Variants in MAGI2 observed in about 807,000 individuals in gnomAD.
MAGI2 encodes the protein membrane associated guanylate kinase, WW and PDZ domain containing 2, also known as membrane-associated guanylate kinase, WW and PDZ domain-containing protein 2.
A neutral mutation model predicts 133.3 loss-of-function variants in MAGI2; 35 were observed. The ratio of observed to expected loss-of-function variants is 0.26; its 90% CI spans 0.20 to 0.35. The LOEUF is 0.35. Among genes scored for constraint, MAGI2 ranks in the 10% least tolerant of loss-of-function variants. MAGI2 has a pLI of 1.00. For missense variants in MAGI2, 1,636 were observed against 1,863.4 expected, an observed-to-expected ratio of 0.88 and a Z score of 2.25; for synonymous variants, 729 against 710.6, an observed-to-expected ratio of 1.03 and a Z score of -0.41.
chr7:78,403,034 ATACATGTGCACAACGTGCAGG>A (rs1797037059), intron 6 of MAGI2, among the ~76,000 whole-genome samples: 2 of 152,090 alleles, frequency 1.3e-5, no homozygotes, highest in Non-Finnish European at 2.9e-5. Flanking sequence ...AAGTCCTGGG[ATACATGTGCACAACGTGCAGG>A]TTTGTTACAT....
chr7:79,292,349 C>T (rs1186661035), intron 1 of MAGI2, among the ~76,000 whole-genome samples: 11 of 151,934 alleles, frequency 7.2e-5, no homozygotes, highest in Admixed American at 3.3e-4. Flanking sequence ...GGGGTTGGCA[C>T]GGTGGCTCAT....
intron 2 of MAGI2, among the ~76,000 whole-genome samples, chr7:78,633,577 G>A (rs1198244288): frequency 6.7e-6 from 1 of 150,360 alleles, no homozygotes; most frequent in African/African-American, 2.4e-5. Flanking sequence ...GTGGTGGCGG[G>A]CGCCTGTAGT....
intron 1 of MAGI2, among the ~76,000 whole-genome samples, chr7:79,356,652 A>G (rs1042014042): frequency 6.6e-6 from 1 of 152,212 alleles, no homozygotes; most frequent in African/African-American, 2.4e-5. Flanking sequence ...ACAATTTCTG[A>G]TGAAAGAAAC....
rs145304420 is a variant in MAGI2, at chr7:78,735,744, G to A, written c.419-108505C>T. Among the ~76,000 whole-genome samples, 1,184 of 152,218 alleles carry A rather than the reference G, an allele frequency of 7.8e-3. 18 individuals carry two copies. Among genetic ancestry groups the A allele is most frequent in the African/African-American group, 0.026 (1,076 of 41,554 alleles). ...TTTAATCTGATTATCTGAAATGGAGGAGAGCAGCCTCAAGGGTTTATAGGT... is the reference window on the plus strand; with the variant it reads ...TTTAATCTGATTATCTGAAATGGAGAAGAGCAGCCTCAAGGGTTTATAGGT... On this transcript the variant is annotated intron_variant, in intron 2 of 21. Coordinates refer to ENST00000354212, the MANE Select transcript of MAGI2 (RefSeq NM_012301.4).
intron 7 of MAGI2, among the ~76,000 whole-genome samples, chr7:78,353,978 A>G (rs1791797915): frequency 6.6e-6 from 1 of 152,116 alleles, no homozygotes; most frequent in South Asian, 2.1e-4. Flanking sequence ...TCCATCTTGG[A>G]TGATGTACCT....
At chr7:78,446,641 A>C (rs1341552675) in intron 6 of MAGI2, among the ~76,000 whole-genome samples, 1 of 152,064 alleles carries the variant, frequency 6.6e-6, no homozygotes, top group African/African-American at 2.4e-5. Flanking sequence ...CTCTGCAGTC[A>C]AGTTCTGATG....
chr7:79,073,761 C>T (rs1477206434), intron 1 of MAGI2, among the ~76,000 whole-genome samples: 2 of 151,580 alleles, frequency 1.3e-5, no homozygotes, highest in African/African-American at 2.4e-5. Context: ...CCCCTCCAAC[C>T]CCATCTTATG....
At chr7:78,674,954 T>C (rs1222790707) in intron 2 of MAGI2, among the ~76,000 whole-genome samples, 2 of 152,146 alleles carry the variant, frequency 1.3e-5, no homozygotes, top group Non-Finnish European at 2.9e-5. Flanking sequence ...TGTTCAAAAT[T>C]TGAATAAAGT....
At chr7:78,266,576 A>G (rs1210073474) in intron 9 of MAGI2, among the ~76,000 whole-genome samples, 1 of 145,590 alleles carries the variant, frequency 6.9e-6, no homozygotes, top group Admixed American at 7.0e-5. Context: ...AAGAGGGGGA[A>G]AAAATCCCTT....
At chr7:79,232,707 G>T (rs372549154) in intron 1 of MAGI2, among the ~76,000 whole-genome samples, 1 of 132,134 alleles carries the variant, frequency 7.6e-6, no homozygotes, top group African/African-American at 3.0e-5. Context: ...AGTCTGGCTA[G>T]CGGTCTATCA....
intron 2 of MAGI2, among the ~76,000 whole-genome samples, chr7:78,955,383 C>T (rs1488719513): frequency 6.6e-6 from 1 of 151,966 alleles, no homozygotes; most frequent in African/African-American, 2.4e-5. Context: ...TAATAAAGCA[C>T]AGCCTGTACT....
chr7:78,536,426 A>G lies in MAGI2; in HGVS notation c.539-14781T>C, dbSNP rs74494862. Among the ~76,000 whole-genome samples, 5 of 152,042 alleles carry G rather than the reference A, an allele frequency of 3.3e-5. No homozygotes were observed. The East Asian group carries it at 5.8e-4, about 18-fold the overall frequency. ...CGCGCCCGGCCGAATTAAACTCTTTATGGTGATTCCCCTGTCTTGATAAGT... is the reference window on the plus strand; with the variant it reads ...CGCGCCCGGCCGAATTAAACTCTTTGTGGTGATTCCCCTGTCTTGATAAGT... On this transcript the variant is annotated intron_variant, in intron 3 of 21. Transcript: ENST00000354212.
chr7:78,309,046 G>A (rs1405288850), intron 9 of MAGI2, among the ~76,000 whole-genome samples: 1 of 152,144 alleles, frequency 6.6e-6, no homozygotes, highest in Non-Finnish European at 1.5e-5. Context: ...AACAGATGCT[G>A]GTGAGGCTGT....
At chr7:78,647,302 G>GA (rs778108618) in intron 2 of MAGI2, among the ~76,000 whole-genome samples, 2 of 151,842 alleles carry the variant, frequency 1.3e-5, no homozygotes, top group Non-Finnish European at 2.9e-5. Context: ...AAATTTACAA[G>GA]AAAAAAACAA....
At chr7:78,373,595 C>G (rs866192133) in intron 6 of MAGI2, among the ~76,000 whole-genome samples, 1 of 152,050 alleles carries the variant, frequency 6.6e-6, no homozygotes, top group Middle Eastern at 3.2e-3. Flanking sequence ...AAAACCTTTT[C>G]TTTCCAACTT....
At chr7:78,723,767 A>G (rs577651615) in intron 2 of MAGI2, among the ~76,000 whole-genome samples, 1 of 152,286 alleles carries the variant, frequency 6.6e-6, no homozygotes, top group East Asian at 1.9e-4. Flanking sequence ...TCTATTAAAT[A>G]CATGACAGGG....
At chr7:78,441,548 C>T (rs1336473110) in intron 6 of MAGI2, among the ~76,000 whole-genome samples, 1 of 151,940 alleles carries the variant, frequency 6.6e-6, no homozygotes, top group Admixed American at 6.6e-5. Flanking sequence ...ACTAGAGGAG[C>T]ATCTGTGATT....
chr7:79,368,705 G>A (rs958472300), intron 1 of MAGI2, among the ~76,000 whole-genome samples: 37 of 151,222 alleles, frequency 2.4e-4, no homozygotes, highest in African/African-American at 8.7e-4. Flanking sequence ...AAAATTAGCC[G>A]GGCGTAGTGG....
chr7:78,868,269 G>A (rs1794747926), intron 2 of MAGI2, among the ~76,000 whole-genome samples: 1 of 152,126 alleles, frequency 6.6e-6, no homozygotes. Flanking sequence ...AACACTGAAT[G>A]CCTACTACAT....
Sources: allele counts gnomAD v4.1 joint callset (sites outside exome capture counted in the v4.1 genomes callset), GRCh38; gene constraint gnomAD v4.1.1; transcripts MANE v1.5; gene names NCBI Gene and HGNC (gene_info 2026-07-23, HGNC 2026-07-21).